The following GTPBP10 variants were observed in gnomAD, a reference collection of about 807,000 sequenced individuals.
The protein encoded by GTPBP10 is GTP binding protein 10.
In GTPBP10, 38 loss-of-function variants were observed where a neutral mutation model predicts 44.8. That is an observed-to-expected ratio of 0.85 (90% confidence interval 0.65 to 1.11). The LOEUF (loss-of-function observed/expected upper bound fraction) is 1.11. Among genes scored for constraint, GTPBP10 ranks in the 50% most tolerant of loss-of-function variants. The pLI, the probability that GTPBP10 is intolerant of heterozygous loss-of-function variation, is 0.00. For missense variants in GTPBP10, 462 were observed against 453.7 expected, an observed-to-expected ratio of 1.02 and a Z score of -0.17; for synonymous variants, 152 against 150.6, an observed-to-expected ratio of 1.01 and a Z score of -0.07.
At chr7:90,370,828 A>AC (rs1460516790) in intron 4 of GTPBP10, among the ~76,000 whole-genome samples, 8 of 151,850 alleles carry the variant, frequency 5.3e-5, no homozygotes, top group Non-Finnish European at 1.5e-5. Flanking sequence ...ATATGGTGAA[A>AC]CCCCATCTCT....
chr7:90,378,029 A>T, intron 7 of GTPBP10, 105 bp from the exon 8 acceptor site: 1 of 1,358,346 alleles, frequency 7.4e-7, no homozygotes, highest in Non-Finnish European at 9.9e-7. Flanking sequence ...AGTAGAGTAT[A>T]GAGAAATTGT....
chr7:90,364,760 T>C (rs1796097300), intron 4 of GTPBP10, among the ~76,000 whole-genome samples: 1 of 152,184 alleles, frequency 6.6e-6, no homozygotes, highest in Admixed American at 6.5e-5. Flanking sequence ...GTCCTTGAGC[T>C]GTGGTGGACT....
chr7:90,371,010 G>GATAAATAAATAAATAA lies in GTPBP10; in HGVS notation c.465-1121_465-1106dup, dbSNP rs10525850. Among the ~76,000 whole-genome samples the GATAAATAAATAAATAA allele has an allele frequency of 5.7e-3, 823 of 145,068 alleles. 3 individuals are homozygous for GATAAATAAATAAATAA. The highest frequency in any genetic ancestry group is 9.0e-3 in the Non-Finnish European group (596 of 66,444). ...AACAGAGCGAGACTCCATCTCAATA[G>GATAAATAAATAAATAA]ATAAATAAATAAATAAATAAATAAA... is the stretch of plus-strand genomic sequence containing the variant. On this transcript the variant is annotated intron_variant, in intron 4 of 9. Transcript: ENST00000222511.
chr7:90,381,717 C>G (rs1015966281), intron 8 of GTPBP10, among the ~76,000 whole-genome samples: 8 of 152,146 alleles, frequency 5.3e-5, no homozygotes, highest in African/African-American at 1.9e-4. Context: ...TAACAGTAGA[C>G]ACATAAACCA....
intron 4 of GTPBP10, among the ~76,000 whole-genome samples, chr7:90,365,191 A>T (rs1158895870): frequency 1.3e-5 from 2 of 152,114 alleles, no homozygotes; most frequent in Admixed American, 6.6e-5. Flanking sequence ...TCAGTTGGAA[A>T]TGCAGAAATC....
chr7:90,350,197 G>A (rs1293104445), intron 1 of GTPBP10, among the ~76,000 whole-genome samples: 1 of 152,082 alleles, frequency 6.6e-6, no homozygotes, highest in East Asian at 1.9e-4. Flanking sequence ...GTGATAGTTT[G>A]GTCAGAATGA....
chr7:90,353,665 T>A lies in GTPBP10; in HGVS notation c.227+656T>A, dbSNP rs1007265129. ...TTTGTTCAATTATTATTTTGATAAATTCCCAGAAGTAGAATTACTAAAACA... is the reference window on the plus strand; with the variant it reads ...TTTGTTCAATTATTATTTTGATAAAATCCCAGAAGTAGAATTACTAAAACA... On this transcript the variant is annotated intron_variant, in intron 2 of 9. Coordinates refer to ENST00000222511, the MANE Select transcript of GTPBP10 (RefSeq NM_033107.4). Among the ~76,000 whole-genome samples, 18 of 152,322 alleles carry A rather than the reference T, an allele frequency of 1.2e-4. No homozygotes were observed. The South Asian group carries it at 3.7e-3, about 32-fold the overall frequency.
chr7:90,349,582 T>C (rs1444319404), intron 1 of GTPBP10, among the ~76,000 whole-genome samples: 1 of 152,198 alleles, frequency 6.6e-6, no homozygotes, highest in Non-Finnish European at 1.5e-5. Flanking sequence ...GCAGCTGATG[T>C]TTATCTTTCC....
chr7:90,360,951 G>A (rs981882718), intron 4 of GTPBP10, among the ~76,000 whole-genome samples: 1 of 152,154 alleles, frequency 6.6e-6, no homozygotes, highest in African/African-American at 2.4e-5. Context: ...TGTTATTGGT[G>A]TATAAGAATG....
At chr7:90,383,204 C>T in intron 9 of GTPBP10, 125 bp downstream of exon 9, 1 of 556,804 alleles carries the variant, frequency 1.8e-6, no homozygotes. Context: ...AAAGAATATA[C>T]AAAACATGTA....
intron 5 of GTPBP10, among the ~76,000 whole-genome samples, chr7:90,372,481 A>ATTTTTTTTTTTTTTTTT: frequency 1.5e-5 from 1 of 67,644 alleles, no homozygotes; most frequent in Non-Finnish European, 2.8e-5. Flanking sequence ...TGCTTGGCTA[A>ATTTTTTTTTTTTTTTTT]CTTTTTTTTT....
Position 90,346,952 on chromosome 7 carries a change from T to C in GTPBP10, c.33+178T>C, listed in dbSNP as rs114263212. Among the ~76,000 whole-genome samples the C allele has an allele frequency of 8.3e-3, 1,260 of 152,286 alleles. 15 individuals are homozygous for C. Among genetic ancestry groups the C allele is most frequent in the African/African-American group, 0.028 (1,184 of 41,554 alleles). On this transcript the variant is annotated intron_variant, in intron 1 of 9. Transcript: ENST00000222511. ...CAGTAAGCGGTGACAGTGGTGTGTG[T>C]ACCTGGCGTGGTTTGGACGGTTGTT...
intron 4 of GTPBP10, among the ~76,000 whole-genome samples, chr7:90,361,185 C>T (rs1416950105): frequency 2.6e-5 from 4 of 152,048 alleles, no homozygotes; most frequent in Admixed American, 2.0e-4. Flanking sequence ...ATAGAAGTGG[C>T]GAGAGAGGGC....
chr7:90,355,417 T>C (rs1039068738), intron 4 of GTPBP10, among the ~76,000 whole-genome samples, 187 bp downstream of exon 4: 1 of 152,296 alleles, frequency 6.6e-6, no homozygotes, highest in Admixed American at 6.5e-5. Flanking sequence ...TTCATAGTTA[T>C]TGCTTATTTA....
At position 90,385,086 on chromosome 7, in the gene GTPBP10, G is replaced by C. The variant is rs780119986; in HGVS notation, c.1096G>C (p.Asp366His). The C allele has an allele frequency of 6.2e-6, 10 of 1,613,184 alleles. No homozygotes were observed. The Admixed American group carries it at 1.3e-4, about 22-fold the overall frequency. Residue 366 changes from aspartate to histidine, a missense_variant, in exon 10 of 10, where the codon GAT becomes CAT. Coordinates refer to ENST00000222511, the MANE Select transcript of GTPBP10 (RefSeq NM_033107.4). ...KKQLLNLWIS[D>H]TMSSTEPPSK... ...ACAGTTGCTTAATTTGTGGATTTCT[G>C]ATACAATGTCTTCTACTGAGCCACC...
chr7:90,351,071 T>G (rs1164003696), intron 1 of GTPBP10, among the ~76,000 whole-genome samples: 1 of 152,184 alleles, frequency 6.6e-6, no homozygotes, highest in African/African-American at 2.4e-5. Context: ...TCACATGGCC[T>G]TTTAAGTGGC....
Position 90,352,722 on chromosome 7 carries a change from T to C in GTPBP10, c.34-94T>C, listed in dbSNP as rs914384715. ...CATGTGAAAAGCTATTAACGACTTT[T>C]TTAGAAGAAGTTTTAGTGGAAGAAA... On this transcript the variant is annotated intron_variant, in intron 1 of 9. Coordinates refer to ENST00000222511, the MANE Select transcript of GTPBP10 (RefSeq NM_033107.4). The C allele has an allele frequency of 3.0e-6, 3 of 985,714 alleles. No homozygotes were observed. In the African/African-American group the frequency reaches 4.9e-5, roughly 16 times the overall value. The allele number at this position is 985,714 out of a possible 1,614,324, so 61.1% of individuals were successfully genotyped here. A position where few individuals can be genotyped will look rare whatever the true frequency, so the allele number is the denominator to read the frequency against.
chr7:90,369,910 T>G (rs897244492), intron 4 of GTPBP10, among the ~76,000 whole-genome samples: 1 of 152,194 alleles, frequency 6.6e-6, no homozygotes, highest in Non-Finnish European at 1.5e-5. Flanking sequence ...TCGATCTTGC[T>G]GGGAGCTGTA....
chr7:90,359,111 GAA>G (rs1284274999), intron 4 of GTPBP10, among the ~76,000 whole-genome samples: 1 of 151,814 alleles, frequency 6.6e-6, no homozygotes, highest in African/African-American at 2.4e-5. Context: ...TAGATGTGGG[GAA>G]AAGAGAACTC....
Sources: allele counts gnomAD v4.1 joint callset (sites outside exome capture counted in the v4.1 genomes callset), GRCh38; gene constraint gnomAD v4.1.1; transcripts MANE v1.5; gene names NCBI Gene and HGNC (gene_info 2026-07-23, HGNC 2026-07-21).